The following KRT86 variants were observed in gnomAD, a reference collection of about 807,000 sequenced individuals.
KRT86 encodes keratin 86.
In KRT86, 30 loss-of-function variants were observed where a neutral mutation model predicts 41.2. That is an observed-to-expected ratio of 0.73 (90% CI 0.54 to 0.99). The LOEUF (loss-of-function observed/expected upper bound fraction) is 0.99. KRT86 is among the 50% of genes least tolerant of loss of function. The probability of loss-of-function intolerance (pLI) is 0.00; values close to 1 mark genes in which losing one functional copy is unlikely to be tolerated. For missense variants in KRT86, 561 were observed against 571.4 expected (o/e 0.98, Z 0.19); for synonymous variants, 238 against 238.1 (o/e 1.00, Z 0.00).
At chr12:52,301,218 T>A (rs1592435199) in intron 2 of KRT86, among the ~76,000 whole-genome samples, 1 of 151,706 alleles carries the variant, frequency 6.6e-6, no homozygotes, top group Non-Finnish European at 1.5e-5. Context: ...TGTGTGAGTT[T>A]GTGTGTGTAT....
chr12:52,307,031 G>A (rs1938534961), intron 9 of KRT86: 1 of 152,040 alleles, frequency 6.6e-6, no homozygotes, highest in African/African-American at 2.4e-5. Flanking sequence ...TGGTCAGTTG[G>A]TCTCACTCGA....
intron 2 of KRT86, among the ~76,000 whole-genome samples, chr12:52,285,102 C>T (rs1235884596): frequency 1.5e-4 from 23 of 152,200 alleles, no homozygotes; most frequent in Non-Finnish European, 8.8e-5. Flanking sequence ...TATATGAAAT[C>T]CTTTAACTCA....
rs1938230394 is a variant in KRT86, at chr12:52,295,562, C to T, written c.-4-6351C>T. 2.0e-5 allele frequency among the ~76,000 whole-genome samples: 3 copies of T among 152,306 alleles called. No individual in the cohort carries two copies. The South Asian group carries it at 6.2e-4, about 32-fold the overall frequency. On this transcript the variant is annotated intron_variant, in intron 2 of 10. Transcript: ENST00000423955. ...CCTCTGCAGGGCCCTGCAGGTTGCT[C>T]TCAGGGTTCAGGGCCAGAGAGTATA...
chr12:52,283,635 C>A (rs879930344), intron 2 of KRT86, among the ~76,000 whole-genome samples: 3 of 151,832 alleles, frequency 2.0e-5, no homozygotes, highest in Non-Finnish European at 4.4e-5. Flanking sequence ...CATACCACCA[C>A]GCCTGGCTAA....
At chr12:52,288,189 C>A (rs757731348) in intron 2 of KRT86, 1 of 1,600,336 alleles carries the variant, frequency 6.2e-7, no homozygotes, top group Non-Finnish European at 8.6e-7. Flanking sequence ...GAGAATACAG[C>A]CCCACCCACC....
At chr12:52,278,111 G>A (rs1242929668) in intron 2 of KRT86, among the ~76,000 whole-genome samples, 3 of 152,180 alleles carry the variant, frequency 2.0e-5, no homozygotes, top group African/African-American at 7.2e-5. Context: ...TACATGACCA[G>A]GTGGGGCTTG....
At chr12:52,286,581 G>C in intron 2 of KRT86, 2 of 1,370,460 alleles carry the variant, frequency 1.5e-6, no homozygotes, top group Non-Finnish European at 2.0e-6. Context: ...CCTGAGCTCT[G>C]GTATGAAAAG....
intron 2 of KRT86, 160 bp from the exon 3 acceptor site, chr12:52,301,753 G>C: frequency 7.0e-7 from 1 of 1,418,572 alleles, no homozygotes; most frequent in Non-Finnish European, 9.8e-7. Flanking sequence ...AACAACCCAA[G>C]CCCATAAAGC....
At chr12:52,301,787 G>C in intron 2 of KRT86, 126 bp from the exon 3 acceptor site, 1 of 1,595,460 alleles carries the variant, frequency 6.3e-7, no homozygotes, top group African/African-American at 1.3e-5. Flanking sequence ...CGACCCACGT[G>C]GTCACAGTCT....
In KRT86 at chr12:52,285,266, C is replaced by G. The variant is rs940536048; in HGVS notation, c.-5+9320C>G. Among the ~76,000 whole-genome samples, 20 of 152,274 alleles carry G rather than the reference C, an allele frequency of 1.3e-4. No individual in the cohort carries two copies. The East Asian group carries it at 1.9e-3, about 15-fold the overall frequency. On this transcript the variant is annotated intron_variant, in intron 2 of 10. Transcript: ENST00000423955. The stretch of plus-strand genomic sequence containing the variant: ...CAGTCTGGCTGGAGTCCGTGTCCCC[C>G]CTCTATGCCACATCATCTTGCTATG...
At chr12:52,291,456 C>G in intron 2 of KRT86, 2 of 1,612,936 alleles carry the variant, frequency 1.2e-6, no homozygotes, top group South Asian at 1.1e-5. Context: ...AATCCTGATC[C>G]GCAGGTCATG....
intron 2 of KRT86, among the ~76,000 whole-genome samples, chr12:52,279,476 C>A (rs2125119): frequency 0.43 from 65,655 of 152,110 alleles, 14,525 homozygotes; most frequent in Non-Finnish European, 0.49. Flanking sequence ...AAGAACCCTG[C>A]CCCTCTGAAC....
chr12:52,287,007 C>A, intron 2 of KRT86: 1 of 1,604,788 alleles, frequency 6.2e-7, no homozygotes, highest in East Asian at 2.2e-5. Flanking sequence ...TATTTTTTTC[C>A]CCCAGAGCCC....
At chr12:52,280,442 C>T (rs1037581840) in intron 2 of KRT86, among the ~76,000 whole-genome samples, 4 of 152,208 alleles carry the variant, frequency 2.6e-5, no homozygotes, top group Admixed American at 2.0e-4. Context: ...ATAGTTTCTG[C>T]TTTCTATGTC....
Position 52,308,533 on chromosome 12 carries a change from G to T in KRT86, c.1409G>T (p.Cys470Phe), listed in dbSNP as rs1417048564. The change falls in exon 11 of 11, where the codon TGC becomes TTC. Residue 470 changes from cysteine to phenylalanine, a missense_variant. Transcript: ENST00000423955. Reference sequence around the variant, plus strand: ...GTGGTGGTGGGCACTACTAACGCCTGCGCCCCCTCCGCCCGGGTTGGCGTC... The same window carrying T: ...GTGGTGGTGGGCACTACTAACGCCTTCGCCCCCTCCGCCCGGGTTGGCGTC... The part of the protein sequence containing the change: ...SNVVVGTTNA[C>F]APSARVGVCG... The T allele has an allele frequency of 2.0e-5, 32 of 1,602,816 alleles. No individual in the cohort carries two copies. The highest frequency in any genetic ancestry group is 2.7e-5 in the Non-Finnish European group (32 of 1,179,828).
chr12:52,285,249 C>T (rs1937887916), intron 2 of KRT86, among the ~76,000 whole-genome samples: 1 of 152,132 alleles, frequency 6.6e-6, no homozygotes, highest in Non-Finnish European at 1.5e-5. Context: ...GGCAGTCTGG[C>T]TGGAGTCCGT....
chr12:52,285,188 C>T (rs1008368951), intron 2 of KRT86, among the ~76,000 whole-genome samples: 1 of 152,158 alleles, frequency 6.6e-6, no homozygotes, highest in South Asian at 2.1e-4. Context: ...AGGGTAAATA[C>T]ATTGCCCAAC....
chr12:52,293,102 C>T (rs1302845116), intron 2 of KRT86, among the ~76,000 whole-genome samples: 2 of 152,188 alleles, frequency 1.3e-5, no homozygotes, highest in African/African-American at 2.4e-5. Context: ...TGGATCACTT[C>T]AGTACATTTC....
chr12:52,306,338 T>C, intron 9 of KRT86, 58 bp downstream of exon 9: 1 of 1,611,084 alleles, frequency 6.2e-7, no homozygotes, highest in Non-Finnish European at 8.5e-7. Context: ...GTGTGCTCTG[T>C]CCTCACACTC....
Sources: allele counts gnomAD v4.1 joint callset (sites outside exome capture counted in the v4.1 genomes callset), GRCh38; gene constraint gnomAD v4.1.1; transcripts MANE v1.5; gene names NCBI Gene and HGNC (gene_info 2026-07-23, HGNC 2026-07-21).